The following UBR3 variants were observed in gnomAD, a reference collection of about 807,000 sequenced individuals.
UBR3 encodes ubiquitin protein ligase E3 component n-recognin 3.
A neutral mutation model predicts 243.2 loss-of-function variants in UBR3; 85 were observed. The observed-to-expected ratio is 0.35, with a 90% CI of 0.29 to 0.42. The LOEUF (loss-of-function observed/expected upper bound fraction) is 0.42, where lower values mean the gene tolerates loss of function less well. Among genes scored for constraint, UBR3 ranks in the 10% least tolerant of loss-of-function variants. The probability of loss-of-function intolerance (pLI) is 1.00; values close to 1 mark genes in which losing one functional copy is unlikely to be tolerated. For missense variants in UBR3, 1,686 were observed against 2,300.8 expected (o/e 0.73, Z 5.47); for synonymous variants, 748 against 799.8 (o/e 0.94, Z 1.09).
chr2:170,008,567 A>T (rs1460423029), intron 28 of UBR3, among the ~76,000 whole-genome samples: 1 of 152,142 alleles, frequency 6.6e-6, no homozygotes, highest in African/African-American at 2.4e-5. Flanking sequence ...GTTAATTCAT[A>T]GTTGGATTAC....
intron 1 of UBR3, among the ~76,000 whole-genome samples, chr2:169,857,434 GA>G (rs1463624826): frequency 6.6e-6 from 1 of 150,794 alleles, no homozygotes; most frequent in Non-Finnish European, 1.5e-5. Context: ...TTATTTTTTT[GA>G]GACAGAGGTT....
At chr2:169,914,444 A>G (rs1252396674) in intron 11 of UBR3, among the ~76,000 whole-genome samples, 1 of 152,102 alleles carries the variant, frequency 6.6e-6, no homozygotes, top group Non-Finnish European at 1.5e-5. Flanking sequence ...TCAGGGTGAA[A>G]TAGTTTCAGT....
intron 6 of UBR3, 82 bp downstream of exon 6, chr2:169,891,313 AGCC>A (rs1269619399): frequency 9.8e-7 from 1 of 1,019,862 alleles, no homozygotes; most frequent in African/African-American, 1.6e-5. Context: ...TTGATGGGCT[AGCC>A]ATACTGACAT....
intron 10 of UBR3, among the ~76,000 whole-genome samples, chr2:169,913,221 G>A (rs970505815): frequency 1.3e-5 from 2 of 152,118 alleles, no homozygotes; most frequent in Non-Finnish European, 2.9e-5. Flanking sequence ...GTGTGAATTG[G>A]TATCTCATTG....
chr2:169,968,058 TAAAA>T, intron 24 of UBR3, among the ~76,000 whole-genome samples: 1 of 152,130 alleles, frequency 6.6e-6, no homozygotes, highest in Admixed American at 6.5e-5. Flanking sequence ...TTCATTCTTT[TAAAA>T]AAATTTAATA....
At chr2:169,964,766 T>C (rs1202313152) in intron 24 of UBR3, 1 of 419,120 alleles carries the variant, frequency 2.4e-6, no homozygotes, top group Non-Finnish European at 4.8e-6. Context: ...GATTTGAATG[T>C]CATAAGTGCA....
chr2:169,964,914 A>G (rs1206372222), intron 24 of UBR3: 1 of 457,026 alleles, frequency 2.2e-6, no homozygotes, highest in Non-Finnish European at 4.4e-6. Context: ...TCTTCAGGAT[A>G]ATGAGCTCTA....
rs184909508 is a variant in UBR3, at chr2:170,002,316, T to C, written c.4029+902T>C. ...ACAAACTTGTGGCTTCCTATAACAG[T>C]GGCTTAGACTAGGGTTATGGGCTAT... On this transcript the variant is annotated intron_variant, in intron 27 of 38. Coordinates refer to ENST00000272793, the MANE Select transcript of UBR3 (RefSeq NM_172070.4). Among the ~76,000 whole-genome samples, 18 of 152,328 alleles carry C rather than the reference T, an allele frequency of 1.2e-4. 1 individual carries two copies. The Middle Eastern group carries it at 0.01, about 86-fold the overall frequency.
chr2:169,938,655 AT>A (rs1352429458), intron 19 of UBR3, among the ~76,000 whole-genome samples: 1 of 151,926 alleles, frequency 6.6e-6, no homozygotes, highest in Non-Finnish European at 1.5e-5. Flanking sequence ...ATGAATTCCA[AT>A]TTTTTTCTTT....
chr2:169,874,594 C>T (rs990900710), intron 2 of UBR3, among the ~76,000 whole-genome samples: 2 of 152,188 alleles, frequency 1.3e-5, no homozygotes, highest in Non-Finnish European at 2.9e-5. Flanking sequence ...TCTTTCAATT[C>T]TGTTTCTCAT....
intron 26 of UBR3, among the ~76,000 whole-genome samples, chr2:170,000,406 G>A (rs1030292629): frequency 2.6e-5 from 4 of 152,278 alleles, no homozygotes; most frequent in African/African-American, 7.2e-5. Context: ...TGAATATTAT[G>A]TACTGGAAAT....
intron 32 of UBR3, among the ~76,000 whole-genome samples, chr2:170,042,501 C>T (rs1357490448): frequency 6.6e-6 from 1 of 151,792 alleles, no homozygotes; most frequent in East Asian, 1.9e-4. Context: ...CCAGCCTGGC[C>T]AACATGGTGA....
At chr2:169,841,682 T>C (rs1203638022) in intron 1 of UBR3, among the ~76,000 whole-genome samples, 3 of 152,198 alleles carry the variant, frequency 2.0e-5, no homozygotes, top group African/African-American at 7.2e-5. Context: ...CCCGGGCCAG[T>C]GGCTGCGGAG....
At position 169,877,648 on chromosome 2, in the gene UBR3, A is replaced by C; in HGVS notation, c.988+11A>C. On this transcript the variant is annotated intron_variant, in intron 4 of 38. Coordinates refer to ENST00000272793, the MANE Select transcript of UBR3 (RefSeq NM_172070.4). ...CTCTGGCTGTTCAAGGTTTGTCTAA[A>C]TATTTAATTTGAACAGTTGTAACTT... 1 of 1,533,510 alleles carries C rather than the reference A, an allele frequency of 6.5e-7. No homozygotes were observed. The highest frequency in any genetic ancestry group is 1.3e-5 in the South Asian group (1 of 79,074). The allele number at this position is 1,533,510 out of a possible 1,614,324, so 95.0% of individuals were successfully genotyped here.
intron 33 of UBR3, among the ~76,000 whole-genome samples, chr2:170,057,654 T>C (rs987379328): frequency 6.6e-6 from 1 of 152,182 alleles, no homozygotes; most frequent in Non-Finnish European, 1.5e-5. Flanking sequence ...GAACATGATG[T>C]AATTTAGGTA....
chr2:169,946,313 C>A lies in UBR3; in HGVS notation c.2831C>A (p.Ser944Ter). ...ATTTTGATGGATCATCAAAATCTGT[C>A]AGAACATGTACTCTGCATGGTTTTA... Reference protein sequence around the residue: ...YKILMDHQNLSEHVLCMVLYL... With the variant: ...YKILMDHQNL The change falls in exon 21 of 39, where the codon TCA becomes TAA. Residue 944 changes from serine to a stop codon, truncating the protein, a stop_gained. Transcript: ENST00000272793. LOFTEE classifies it high-confidence loss of function. The A allele has an allele frequency of 6.7e-7, 1 of 1,498,134 alleles. No individual in the cohort carries two copies. Among genetic ancestry groups the A allele is most frequent in the South Asian group, 1.4e-5 (1 of 73,080 alleles). The allele number at this position is 1,498,134 out of a possible 1,614,324, so 92.8% of individuals were successfully genotyped here.
chr2:170,062,259 C>A (rs1483677790), intron 35 of UBR3, among the ~76,000 whole-genome samples: 6 of 152,078 alleles, frequency 3.9e-5, no homozygotes, highest in Admixed American at 6.5e-5. Context: ...GGTAAGTAAA[C>A]CCAAACTGTG....
chr2:170,040,810 A>G (rs2090948902), intron 31 of UBR3, 72 bp from the exon 32 acceptor site: 1 of 1,121,514 alleles, frequency 8.9e-7, no homozygotes, highest in Non-Finnish European at 1.3e-6. Flanking sequence ...ATAGATATAT[A>G]TGTGACATAT....
chr2:170,033,075 G>A (rs2090722325), intron 31 of UBR3, among the ~76,000 whole-genome samples: 1 of 151,964 alleles, frequency 6.6e-6, no homozygotes, highest in Admixed American at 6.6e-5. Flanking sequence ...GACAAAGATG[G>A]TATACAGAGT....
Sources: gnomAD v4.1 joint callset for allele counts (sites outside exome capture counted in the v4.1 genomes callset) on GRCh38, gnomAD v4.1.1 for gene constraint, MANE v1.5 for transcripts, NCBI Gene and HGNC (gene_info 2026-07-23, HGNC 2026-07-21) for gene names.